Variants in YWHAE observed in about 807,000 individuals in gnomAD.
The protein encoded by YWHAE is tyrosine 3-monooxygenase/tryptophan 5-monooxygenase activation protein epsilon.
A neutral mutation model predicts 30.1 loss-of-function variants in YWHAE; 4 were observed. That is an observed-to-expected ratio of 0.13 (90% CI 0.07 to 0.30). The LOEUF (loss-of-function observed/expected upper bound fraction) is 0.30. Ranked by LOEUF, YWHAE falls within the 10% of genes least tolerant of loss-of-function variation. The pLI, the probability that YWHAE is intolerant of heterozygous loss-of-function variation, is 1.00. For synonymous variants in YWHAE, 118 were observed against 111.8 expected (o/e 1.06, Z -0.35); for missense variants, 121 against 315.9 (o/e 0.38, Z 4.68).
chr17:1,392,217 T>C (rs2073399149), intron 1 of YWHAE, among the ~76,000 whole-genome samples: 1 of 152,092 alleles, frequency 6.6e-6, no homozygotes, highest in African/African-American at 2.4e-5. Context: ...AAAAAAAAGT[T>C]CTTTTAAATT....
intron 5 of YWHAE, among the ~76,000 whole-genome samples, chr17:1,353,771 A>C (rs889447973): frequency 6.6e-6 from 1 of 152,104 alleles, no homozygotes; most frequent in Non-Finnish European, 1.5e-5. Context: ...CTCAAAAAAA[A>C]AAAAAAGAGA....
intron 5 of YWHAE, chr17:1,348,098 A>C: frequency 1.6e-6 from 1 of 615,922 alleles, no homozygotes; most frequent in Non-Finnish European, 2.0e-6. Flanking sequence ...AAAGGAAAAC[A>C]ATGATACAGG....
intron 4 of YWHAE, 102 bp from the exon 5 acceptor site, chr17:1,354,449 A>G (rs912106745): frequency 2.6e-6 from 3 of 1,165,540 alleles, no homozygotes; most frequent in Non-Finnish European, 2.4e-6. Flanking sequence ...TCCAGTTTGT[A>G]ATAGTCACAA....
At chr17:1,358,519 G>A (rs60733687) in intron 4 of YWHAE, among the ~76,000 whole-genome samples, 40 of 150,556 alleles carry the variant, frequency 2.7e-4, no homozygotes, top group Non-Finnish European at 5.0e-4. Flanking sequence ...GATTACAGGC[G>A]TGAGCCACTG....
chr17:1,372,103 G>A (rs1258567022), intron 1 of YWHAE, among the ~76,000 whole-genome samples: 3 of 152,178 alleles, frequency 2.0e-5, no homozygotes, highest in Non-Finnish European at 4.4e-5. Context: ...CCCCCAAAGC[G>A]CTGGGATTAC....
rs2072495386 is a variant in YWHAE, at chr17:1,345,217, A to G, written c.*230T>C. 4 of 570,088 alleles carry G rather than the reference A, an allele frequency of 7.0e-6. No individual in the cohort carries two copies. The highest frequency in any genetic ancestry group is 1.2e-5 in the Non-Finnish European group (4 of 323,202). 35.3% of individuals were successfully genotyped at this position (570,088 alleles called of 1,614,324 possible). ...CTATGTAGTCCTGTTAGTGTCTTAA[A>G]GAACCTAAAAGCTGGGACCAGTAAA... On this transcript the variant is annotated 3_prime_UTR_variant, in exon 6 of 6. Transcript: ENST00000264335.
intron 1 of YWHAE, among the ~76,000 whole-genome samples, chr17:1,385,163 A>G (rs999335671): frequency 6.6e-6 from 1 of 150,866 alleles, no homozygotes; most frequent in Non-Finnish European, 1.5e-5. Flanking sequence ...AAAAAAAAAA[A>G]GTAAAGATAA....
chr17:1,383,185 T>C (rs997173850), intron 1 of YWHAE, among the ~76,000 whole-genome samples: 21 of 151,582 alleles, frequency 1.4e-4, no homozygotes, highest in Non-Finnish European at 2.7e-4. Flanking sequence ...ACCCCATCTC[T>C]ACTAAAAATA....
At chr17:1,392,349 C>T (rs1220466203) in intron 1 of YWHAE, among the ~76,000 whole-genome samples, 5 of 152,074 alleles carry the variant, frequency 3.3e-5, no homozygotes, top group African/African-American at 1.2e-4. Flanking sequence ...CAATCCAAGC[C>T]TGGCCAACAA....
intron 1 of YWHAE, among the ~76,000 whole-genome samples, chr17:1,375,442 G>A (rs752360107): frequency 6.6e-6 from 1 of 152,130 alleles, no homozygotes; most frequent in African/African-American, 2.4e-5. Flanking sequence ...GGCATTTCAC[G>A]GGTGGGGGAA....
At chr17:1,373,535 G>A (rs181431727) in intron 1 of YWHAE, among the ~76,000 whole-genome samples, 1 of 152,042 alleles carries the variant, frequency 6.6e-6, no homozygotes, top group African/African-American at 2.4e-5. Context: ...AGGCATGGTG[G>A]CGGGCGCCTG....
chr17:1,398,745 G>C (rs906758531), intron 1 of YWHAE: 4 of 152,162 alleles, frequency 2.6e-5, no homozygotes, highest in Non-Finnish European at 5.9e-5. Context: ...GGTGGACTGG[G>C]AGAGAGGATT....
chr17:1,345,536 G>C (rs775520711), intron 5 of YWHAE, 37 bp from the exon 6 acceptor site: 2 of 1,602,178 alleles, frequency 1.2e-6, no homozygotes, highest in Non-Finnish European at 8.5e-7. Context: ...ATTTCGTATT[G>C]ACTACATTAG....
At chr17:1,355,885 T>C (rs1450371021) in intron 4 of YWHAE, among the ~76,000 whole-genome samples, 1 of 151,744 alleles carries the variant, frequency 6.6e-6, no homozygotes, top group Non-Finnish European at 1.5e-5. Flanking sequence ...CACAAAAAAT[T>C]AGGCCGGGTG....
chr17:1,371,229 T>C (rs1453601921), intron 1 of YWHAE, among the ~76,000 whole-genome samples: 6 of 152,068 alleles, frequency 3.9e-5, no homozygotes, highest in Non-Finnish European at 8.8e-5. Flanking sequence ...ACTACAGGTG[T>C]ACGCCATTAC....
intron 4 of YWHAE, among the ~76,000 whole-genome samples, chr17:1,360,427 T>C (rs2072845755): frequency 6.6e-6 from 1 of 152,162 alleles, no homozygotes; most frequent in African/African-American, 2.4e-5. Flanking sequence ...AATATAAAAT[T>C]ATGTTTGCTA....
intron 2 of YWHAE, among the ~76,000 whole-genome samples, chr17:1,364,202 T>C: frequency 6.8e-6 from 1 of 147,622 alleles, no homozygotes; most frequent in East Asian, 2.0e-4. Context: ...ATCAGACAAA[T>C]TAACCCAATA....
intron 1 of YWHAE, among the ~76,000 whole-genome samples, chr17:1,367,846 G>A (rs966924473): frequency 6.6e-6 from 1 of 152,176 alleles, no homozygotes; most frequent in Non-Finnish European, 1.5e-5. Flanking sequence ...GTACAGAGGT[G>A]AACTGAGGGG....
intron 1 of YWHAE, among the ~76,000 whole-genome samples, chr17:1,398,679 A>G (rs763772602): frequency 2.6e-5 from 4 of 152,216 alleles, no homozygotes; most frequent in Non-Finnish European, 4.4e-5. Context: ...CTTTCGTTTA[A>G]TACTACAGTA....
Sources: allele counts gnomAD v4.1 joint callset (sites outside exome capture counted in the v4.1 genomes callset), GRCh38; gene constraint gnomAD v4.1.1; transcripts MANE v1.5; gene names NCBI Gene and HGNC (gene_info 2026-07-23, HGNC 2026-07-21).